The following FBXL20 variants were observed in gnomAD, a reference collection of about 807,000 sequenced individuals.
FBXL20 encodes F-box and leucine rich repeat protein 20.
Under a neutral mutation model 64.0 loss-of-function variants are expected in FBXL20, and 11 were observed. The ratio of observed to expected loss-of-function variants is 0.17; its 90% CI spans 0.11 to 0.28. The LOEUF (loss-of-function observed/expected upper bound fraction) is 0.28. Among genes scored for constraint, FBXL20 ranks in the 10% least tolerant of loss-of-function variants. The pLI, the probability that FBXL20 is intolerant of heterozygous loss-of-function variation, is 1.00. For missense variants in FBXL20, 303 were observed against 526.2 expected, an observed-to-expected ratio of 0.58 and a Z score of 4.15; for synonymous variants, 184 against 189.0, an observed-to-expected ratio of 0.97 and a Z score of 0.22.
At chr17:39,383,000 CA>C (rs1003346474) in intron 1 of FBXL20, among the ~76,000 whole-genome samples, 158 of 136,732 alleles carry the variant, frequency 1.2e-3, no homozygotes, top group East Asian at 1.7e-3. Flanking sequence ...ACTAAAAATA[CA>C]AAAAAAAAAA....
intron 1 of FBXL20, among the ~76,000 whole-genome samples, chr17:39,379,967 G>A (rs1430457872): frequency 6.6e-6 from 1 of 152,060 alleles, no homozygotes; most frequent in African/African-American, 2.4e-5. Flanking sequence ...TTGACAGAGT[G>A]AGACCCTGTC....
chr17:39,362,435 T>C (rs1416125129), intron 1 of FBXL20, among the ~76,000 whole-genome samples: 1 of 151,154 alleles, frequency 6.6e-6, no homozygotes, highest in Non-Finnish European at 1.5e-5. Context: ...CCCCATCTCC[T>C]GCCTCAGCCT....
intron 2 of FBXL20, among the ~76,000 whole-genome samples, chr17:39,310,164 A>AAG (rs147622787): frequency 0.02 from 2,974 of 151,532 alleles, 51 homozygotes; most frequent in African/African-American, 0.036. Flanking sequence ...AAAAAAAAAA[A>AAG]AAAAGAAAAG....
chr17:39,380,157 CAA>C (rs2048008278), intron 1 of FBXL20, among the ~76,000 whole-genome samples: 1 of 151,914 alleles, frequency 6.6e-6, no homozygotes, highest in African/African-American at 2.4e-5. Flanking sequence ...CTACACAAAA[CAA>C]GAGTGATACT....
In FBXL20 at chr17:39,278,655, C is replaced by A. The variant is rs969680974; in HGVS notation, c.696+2734G>T. On this transcript the variant is annotated intron_variant, in intron 9 of 14. Coordinates refer to ENST00000264658, the MANE Select transcript of FBXL20 (RefSeq NM_032875.3). ...CTCCACCTCCTGGGTTCAAGCGATT[C>A]TCCTGCCTCAGCCTCCCAAATACCT... Among the ~76,000 whole-genome samples, 53 of 148,600 alleles carry A rather than the reference C, an allele frequency of 3.6e-4. 1 individual carries two copies. The highest frequency in any genetic ancestry group is 1.5e-4 in the Non-Finnish European group (10 of 67,634).
chr17:39,387,485 G>T (rs940275139), intron 1 of FBXL20, among the ~76,000 whole-genome samples: 1 of 151,746 alleles, frequency 6.6e-6, no homozygotes, highest in Non-Finnish European at 1.5e-5. Context: ...CACCATGTTC[G>T]CCAGGCTGGT....
intron 1 of FBXL20, among the ~76,000 whole-genome samples, chr17:39,386,440 A>G (rs1182780597): frequency 6.6e-6 from 1 of 152,026 alleles, no homozygotes; most frequent in African/African-American, 2.4e-5. Context: ...GACCAGCCTG[A>G]GCAACACAGT....
At chr17:39,379,092 GGC>G (rs2047998136) in intron 1 of FBXL20, among the ~76,000 whole-genome samples, 1 of 150,302 alleles carries the variant, frequency 6.7e-6, no homozygotes, top group South Asian at 2.1e-4. Flanking sequence ...CTGGGGTGGT[GGC>G]GCATGCCTAT....
intron 2 of FBXL20, among the ~76,000 whole-genome samples, chr17:39,321,142 A>G (rs1275916049): frequency 1.5e-5 from 2 of 136,306 alleles, no homozygotes; most frequent in African/African-American, 3.4e-5. Context: ...TGAAGTCCAC[A>G]GTCGACATGC....
chr17:39,337,505 G>A (rs1423985492), intron 2 of FBXL20, among the ~76,000 whole-genome samples: 7 of 151,612 alleles, frequency 4.6e-5, no homozygotes, highest in African/African-American at 1.5e-4. Flanking sequence ...AGTGAGGAGC[G>A]TCTCTGCCCG....
chr17:39,344,591 GCCTGGCCAACATGGCGAAACCCCATCT>G (rs1227767607), intron 1 of FBXL20, among the ~76,000 whole-genome samples: 1 of 151,298 alleles, frequency 6.6e-6, no homozygotes, highest in East Asian at 2.0e-4. Context: ...TTCGAGACCA[GCCTGGCCAACATGGCGAAACCCCATCT>G]CTACTAAAAA....
intron 12 of FBXL20, among the ~76,000 whole-genome samples, chr17:39,267,136 C>A (rs1168838252): frequency 6.6e-6 from 1 of 151,364 alleles, no homozygotes; most frequent in Non-Finnish European, 1.5e-5. Flanking sequence ...CCTATAATCC[C>A]AGCTACTTGG....
intron 1 of FBXL20, among the ~76,000 whole-genome samples, chr17:39,379,719 T>C (rs2048004443): frequency 6.6e-6 from 1 of 152,066 alleles, no homozygotes; most frequent in South Asian, 2.1e-4. Flanking sequence ...AGTTTGAGCC[T>C]GCAGTGAGCT....
At chr17:39,269,498 T>A (rs1399496994) in intron 11 of FBXL20, among the ~76,000 whole-genome samples, 1 of 136,000 alleles carries the variant, frequency 7.4e-6, no homozygotes, top group East Asian at 2.0e-4. Context: ...CGGCCTTTCC[T>A]CTTTTTTTTT....
intron 1 of FBXL20, among the ~76,000 whole-genome samples, chr17:39,386,595 G>A (rs1428458597): frequency 1.3e-5 from 2 of 152,168 alleles, no homozygotes; most frequent in African/African-American, 2.4e-5. Context: ...CTGTACTCCA[G>A]CCTGGGTGAC....
chr17:39,366,270 T>G (rs563243633), intron 1 of FBXL20, among the ~76,000 whole-genome samples: 273 of 152,336 alleles, frequency 1.8e-3, no homozygotes, highest in African/African-American at 6.5e-3. Flanking sequence ...ACCCTACATA[T>G]AGGCTATCAT....
intron 1 of FBXL20, among the ~76,000 whole-genome samples, chr17:39,366,711 C>A (rs752083573): frequency 6.6e-6 from 1 of 152,106 alleles, no homozygotes; most frequent in Non-Finnish European, 1.5e-5. Context: ...CTGCTTGATG[C>A]ATTTCTGACC....
chr17:39,389,939 G>A (rs944294596), intron 1 of FBXL20, among the ~76,000 whole-genome samples: 16 of 152,132 alleles, frequency 1.1e-4, no homozygotes, highest in African/African-American at 2.4e-4. Flanking sequence ...GGTAGGGTGC[G>A]GTTAAAAGCT....
At chr17:39,271,099 T>C (rs1255504456) in intron 10 of FBXL20, among the ~76,000 whole-genome samples, 1 of 152,122 alleles carries the variant, frequency 6.6e-6, no homozygotes, top group Non-Finnish European at 1.5e-5. Context: ...CACAGAAGAA[T>C]ATAATTGAAG....
Sources: allele counts gnomAD v4.1 joint callset (sites outside exome capture counted in the v4.1 genomes callset), GRCh38; gene constraint gnomAD v4.1.1; transcripts MANE v1.5; gene names NCBI Gene and HGNC (gene_info 2026-07-23, HGNC 2026-07-21).